Variants in EYS observed in about 807,000 individuals in gnomAD.
EYS encodes EGF-like photoreceptor maintenance factor.
EYS carries 250 observed loss-of-function variants against 282.1 expected under a neutral mutation model. That is an observed-to-expected ratio of 0.89 (90% CI 0.80 to 0.98). The LOEUF is 0.98. Among genes scored for constraint, EYS ranks in the 50% least tolerant of loss-of-function variants. EYS has a pLI of 0.00. For synonymous variants in EYS, 1,355 were observed against 1,282.9 expected (o/e 1.06, Z -1.20); for missense variants, 4,016 against 3,709.0 (o/e 1.08, Z -2.15).
At chr6:64,318,866 T>C (rs1770088874) in intron 29 of EYS, among the ~76,000 whole-genome samples, 1 of 151,828 alleles carries the variant, frequency 6.6e-6, no homozygotes. Context: ...TTAGGGTAAA[T>C]GGGGTATCCA....
At chr6:65,159,886 G>GT in intron 12 of EYS, among the ~76,000 whole-genome samples, 1 of 151,150 alleles carries the variant, frequency 6.6e-6, no homozygotes. Context: ...AGAGAGGGAT[G>GT]TAAGTGTCAT....
At chr6:64,255,552 G>T (rs1273223163) in intron 30 of EYS, among the ~76,000 whole-genome samples, 3 of 151,900 alleles carry the variant, frequency 2.0e-5, no homozygotes, top group South Asian at 2.1e-4. Flanking sequence ...AAGACATTTT[G>T]ATTTGTTTCT....
At chr6:64,977,551 G>T (rs572959773) in intron 14 of EYS, among the ~76,000 whole-genome samples, 1 of 151,568 alleles carries the variant, frequency 6.6e-6, no homozygotes, top group African/African-American at 2.4e-5. Context: ...AGTTGCACAT[G>T]TCTCACTTTA....
chr6:65,463,280 TACA>T (rs913924711), intron 5 of EYS, among the ~76,000 whole-genome samples: 1 of 152,112 alleles, frequency 6.6e-6, no homozygotes, highest in South Asian at 2.1e-4. Context: ...TTCTTTTGTC[TACA>T]ACTTTATTTC....
At chr6:65,184,454 A>G (rs1330162235) in intron 12 of EYS, among the ~76,000 whole-genome samples, 1 of 151,892 alleles carries the variant, frequency 6.6e-6, no homozygotes, top group Non-Finnish European at 1.5e-5. Flanking sequence ...CCAATACTAT[A>G]AAAATGGCAA....
chr6:63,800,527 C>T (rs192453341), intron 37 of EYS, among the ~76,000 whole-genome samples: 14 of 152,286 alleles, frequency 9.2e-5, no homozygotes, highest in African/African-American at 2.2e-4. Context: ...AGGCTGGGCG[C>T]GGAGTGGCTC....
At chr6:64,966,157 GT>G (rs1173155914) in intron 14 of EYS, among the ~76,000 whole-genome samples, 1 of 152,072 alleles carries the variant, frequency 6.6e-6, no homozygotes, top group Non-Finnish European at 1.5e-5. Flanking sequence ...GTTATTAAAT[GT>G]ATGTTTTTCT....
chr6:65,062,120 C>A (rs962010107), intron 12 of EYS, among the ~76,000 whole-genome samples: 2 of 151,866 alleles, frequency 1.3e-5, no homozygotes, highest in African/African-American at 4.8e-5. Context: ...ATGACAGACT[C>A]CCAAATCAAA....
chr6:65,325,513 C>T (rs1469922416), intron 11 of EYS, among the ~76,000 whole-genome samples: 1 of 152,050 alleles, frequency 6.6e-6, no homozygotes, highest in Admixed American at 6.6e-5. Context: ...AGGATTTGAA[C>T]TTCTTGGAGG....
At chr6:64,139,327 T>C (rs1293401027) in intron 31 of EYS, among the ~76,000 whole-genome samples, 1 of 152,086 alleles carries the variant, frequency 6.6e-6, no homozygotes, top group East Asian at 1.9e-4. Flanking sequence ...CTAAGGACTT[T>C]AAAGGGGAGA....
chr6:65,529,895 GATCTT>G (rs1767699913), intron 2 of EYS, among the ~76,000 whole-genome samples: 2 of 152,128 alleles, frequency 1.3e-5, no homozygotes, highest in Admixed American at 1.3e-4. Flanking sequence ...TTGGCATTTT[GATCTT>G]GGAATTCCAG....
chr6:64,496,896 C>G (rs1010353445), intron 26 of EYS, among the ~76,000 whole-genome samples: 5 of 151,992 alleles, frequency 3.3e-5, no homozygotes, highest in Non-Finnish European at 7.4e-5. Flanking sequence ...AAGTTGTCCA[C>G]ATAATTTAGT....
intron 35 of EYS, among the ~76,000 whole-genome samples, chr6:63,915,516 T>G (rs1298726206): frequency 6.6e-6 from 1 of 152,234 alleles, no homozygotes; most frequent in African/African-American, 2.4e-5. Flanking sequence ...TTAAGGAGTA[T>G]TTTGACATTC....
chr6:64,321,058 A>G (rs1249878478), intron 29 of EYS, among the ~76,000 whole-genome samples: 1 of 151,746 alleles, frequency 6.6e-6, no homozygotes, highest in Non-Finnish European at 1.5e-5. Context: ...TCTGTTATTG[A>G]CTTTCAAGTT....
chr6:63,764,657 T>C (rs1036201540), intron 40 of EYS, among the ~76,000 whole-genome samples: 1 of 151,978 alleles, frequency 6.6e-6, no homozygotes, highest in African/African-American at 2.4e-5. Context: ...ATTTAAGGTA[T>C]ATAGCATAGT....
intron 41 of EYS, among the ~76,000 whole-genome samples, chr6:63,761,708 G>A (rs1769645544): frequency 1.3e-5 from 2 of 151,970 alleles, no homozygotes; most frequent in Non-Finnish European, 2.9e-5. Flanking sequence ...TCTTCTGGGT[G>A]GTGGGTGAGG....
intron 22 of EYS, among the ~76,000 whole-genome samples, chr6:64,809,028 T>G (rs1340349328): frequency 6.6e-6 from 1 of 152,118 alleles, no homozygotes. Context: ...GATGTTCCTG[T>G]GCATTAATGC....
chr6:64,790,205 A>C (rs1419417465), intron 22 of EYS, among the ~76,000 whole-genome samples: 2 of 152,022 alleles, frequency 1.3e-5, no homozygotes, highest in Non-Finnish European at 2.9e-5. Flanking sequence ...GACTGCAAAA[A>C]TGTGACAGAA....
chr6:65,187,731 A>G (rs1765546982), intron 12 of EYS, among the ~76,000 whole-genome samples: 1 of 151,760 alleles, frequency 6.6e-6, no homozygotes, highest in Non-Finnish European at 1.5e-5. Flanking sequence ...CAACTGAGAG[A>G]CATGTCTATT....
Sources: allele counts gnomAD v4.1 joint callset (sites outside exome capture counted in the v4.1 genomes callset), GRCh38; gene constraint gnomAD v4.1.1; transcripts MANE v1.5; gene names NCBI Gene and HGNC (gene_info 2026-07-23, HGNC 2026-07-21).